The following SLC25A21 variants were observed in gnomAD, a reference collection of about 807,000 sequenced individuals.
SLC25A21 encodes solute carrier family 25 member 21.
In SLC25A21, 47 loss-of-function variants were observed where a neutral mutation model predicts 43.8. The observed-to-expected ratio is 1.07, with a 90% confidence interval of 0.85 to 1.37. The LOEUF is 1.37. Among genes scored for constraint, SLC25A21 ranks in the 40% most tolerant of loss-of-function variants. The probability of loss-of-function intolerance (pLI) is 0.00; values close to 1 mark genes in which losing one functional copy is unlikely to be tolerated. For synonymous variants in SLC25A21, 131 were observed against 121.3 expected (o/e 1.08, Z -0.52); for missense variants, 352 against 350.2 (o/e 1.00, Z -0.04).
At chr14:36,927,472 C>T (rs1474211524) in intron 1 of SLC25A21, among the ~76,000 whole-genome samples, 2 of 152,100 alleles carry the variant, frequency 1.3e-5, no homozygotes, top group East Asian at 1.9e-4. Flanking sequence ...GGTGAAGGGA[C>T]GAAATGGTTT....
At chr14:36,890,710 C>A (rs1360532025) in intron 1 of SLC25A21, among the ~76,000 whole-genome samples, 1 of 152,100 alleles carries the variant, frequency 6.6e-6, no homozygotes, top group African/African-American at 2.4e-5. Flanking sequence ...ATATCAAGTA[C>A]CTGAAGAGCA....
At chr14:37,066,554 T>A (rs1033113314) in intron 1 of SLC25A21, among the ~76,000 whole-genome samples, 1 of 152,178 alleles carries the variant, frequency 6.6e-6, no homozygotes, top group African/African-American at 2.4e-5. Flanking sequence ...ACATTCATAC[T>A]TGTACTGTAG....
chr14:37,172,153 C>T (rs749064486), intron 1 of SLC25A21, 128 bp downstream of exon 1: 12 of 1,001,208 alleles, frequency 1.2e-5, no homozygotes, highest in African/African-American at 3.3e-5. Flanking sequence ...TCAAGCACTG[C>T]TCCGGGAGCG....
At chr14:37,019,167 G>A (rs1960929415) in intron 1 of SLC25A21, among the ~76,000 whole-genome samples, 2 of 151,858 alleles carry the variant, frequency 1.3e-5, no homozygotes, top group African/African-American at 2.4e-5. Flanking sequence ...CTGCCCACCA[G>A]CTCTCCAACC....
chr14:37,040,427 G>GAAAGAAAGA (rs1327088453), intron 1 of SLC25A21, among the ~76,000 whole-genome samples: 1 of 101,124 alleles, frequency 9.9e-6, no homozygotes. Flanking sequence ...AAGAAAGAAA[G>GAAAGAAAGA]AAAGAAAGAA....
At chr14:37,169,469 C>T (rs539942703) in intron 1 of SLC25A21, among the ~76,000 whole-genome samples, 8 of 152,040 alleles carry the variant, frequency 5.3e-5, no homozygotes, top group Admixed American at 1.3e-4. Context: ...CATCCCAGAC[C>T]TTGAATTCCA....
chr14:36,718,053 T>G (rs927507849), intron 6 of SLC25A21, among the ~76,000 whole-genome samples: 1 of 152,096 alleles, frequency 6.6e-6, no homozygotes, highest in African/African-American at 2.4e-5. Context: ...TATATTAATA[T>G]TTTTAAAAAT....
At chr14:37,126,352 T>C (rs1038692545) in intron 1 of SLC25A21, among the ~76,000 whole-genome samples, 1 of 152,000 alleles carries the variant, frequency 6.6e-6, no homozygotes, top group Non-Finnish European at 1.5e-5. Flanking sequence ...ATCAATGCCC[T>C]CACTATAATA....
At chr14:36,771,734 A>G (rs1004292566) in intron 3 of SLC25A21, among the ~76,000 whole-genome samples, 1 of 144,314 alleles carries the variant, frequency 6.9e-6, no homozygotes, top group African/African-American at 2.7e-5. Flanking sequence ...CCAACTTTTA[A>G]TCTTGCCAAG....
intron 7 of SLC25A21, among the ~76,000 whole-genome samples, chr14:36,699,798 T>G (rs1280586758): frequency 6.6e-6 from 1 of 152,090 alleles, no homozygotes; most frequent in Non-Finnish European, 1.5e-5. Flanking sequence ...TGCTAAGACC[T>G]TGGGAAAAGT....
chr14:36,844,908 T>G (rs944092106), intron 2 of SLC25A21, among the ~76,000 whole-genome samples: 14 of 152,198 alleles, frequency 9.2e-5, no homozygotes, highest in African/African-American at 3.4e-4. Context: ...GCAAGAACTC[T>G]CAAGCTGCGT....
intron 1 of SLC25A21, among the ~76,000 whole-genome samples, chr14:36,936,593 T>C (rs1860692508): frequency 6.6e-6 from 1 of 152,182 alleles, no homozygotes; most frequent in South Asian, 2.1e-4. Context: ...AAAGGTTCTC[T>C]GGGAGCCCCT....
chr14:36,950,926 AG>A (rs1428234109), intron 1 of SLC25A21, among the ~76,000 whole-genome samples: 1 of 152,202 alleles, frequency 6.6e-6, no homozygotes, highest in Admixed American at 6.5e-5. Flanking sequence ...AATTGCAGCA[AG>A]GAATGCATAT....
At chr14:37,145,512 A>G (rs1026929888) in intron 1 of SLC25A21, among the ~76,000 whole-genome samples, 1 of 151,696 alleles carries the variant, frequency 6.6e-6, no homozygotes, top group Non-Finnish European at 1.5e-5. Context: ...GGGACACCAC[A>G]GTAGGAATTT....
At chr14:36,929,555 T>C (rs187859673) in intron 1 of SLC25A21, among the ~76,000 whole-genome samples, 2 of 152,270 alleles carry the variant, frequency 1.3e-5, no homozygotes, top group East Asian at 3.9e-4. Context: ...TGTGTGTGAT[T>C]ATGGAAAAGT....
chr14:37,067,922 G>C (rs1050545803), intron 1 of SLC25A21, among the ~76,000 whole-genome samples: 7 of 152,360 alleles, frequency 4.6e-5, no homozygotes, highest in African/African-American at 1.7e-4. Context: ...CGTATTCTAA[G>C]TGATTCTATT....
rs138754548 is a variant in SLC25A21, at chr14:36,945,854, G to A, written c.71-70850C>T. On this transcript the variant is annotated intron_variant, in intron 1 of 9. Coordinates refer to ENST00000331299, the MANE Select transcript of SLC25A21 (RefSeq NM_030631.4). ...CCACTGAACTATACACTTAAAAATG[G>A]TTAAGATGGTAAATTTTATGTTATG... Among the ~76,000 whole-genome samples the A allele has an allele frequency of 7.1e-3, 1,079 of 152,192 alleles. 17 individuals carry two copies. The highest frequency in any genetic ancestry group is 0.024 in the African/African-American group (996 of 41,530).
chr14:37,021,344 C>G (rs1010473646), intron 1 of SLC25A21, among the ~76,000 whole-genome samples: 3 of 151,976 alleles, frequency 2.0e-5, no homozygotes, highest in Non-Finnish European at 4.4e-5. Flanking sequence ...GTAAATAGGA[C>G]AACAAATACA....
rs78908792 is a variant in SLC25A21 at position 37,031,922 on chromosome 14, T to C, written c.70+140359A>G. On this transcript the variant is annotated intron_variant, in intron 1 of 9. Coordinates refer to ENST00000331299, the MANE Select transcript of SLC25A21 (RefSeq NM_030631.4). Reference sequence around the variant, plus strand: ...ATTTTAAAAGAGATTTAATCTCACATTGTACGTAGAAAAGACAAAGATGGG... The same window carrying C: ...ATTTTAAAAGAGATTTAATCTCACACTGTACGTAGAAAAGACAAAGATGGG... Among the ~76,000 whole-genome samples the C allele has an allele frequency of 7.6e-4, 116 of 152,300 alleles. 2 individuals are homozygous for C. The East Asian group carries it at 0.019, about 25-fold the overall frequency.
Sources: gnomAD v4.1 joint callset for allele counts (sites outside exome capture counted in the v4.1 genomes callset) on GRCh38, gnomAD v4.1.1 for gene constraint, MANE v1.5 for transcripts, NCBI Gene and HGNC (gene_info 2026-07-23, HGNC 2026-07-21) for gene names.